The following MBNL3 variants were observed in gnomAD, a reference collection of about 807,000 sequenced individuals.
MBNL3 encodes muscleblind like splicing regulator 3.
Under a neutral mutation model 24.5 loss-of-function variants are expected in MBNL3, and 6 were observed. The observed-to-expected ratio is 0.25, with a 90% CI of 0.13 to 0.48. MBNL3 has a LOEUF of 0.48. Among genes scored for constraint, MBNL3 ranks in the 20% least tolerant of loss-of-function variants. The pLI is 0.99. For synonymous variants in MBNL3, 100 were observed against 101.7 expected, an observed-to-expected ratio of 0.98 and a Z score of 0.10; for missense variants, 230 against 293.5, an observed-to-expected ratio of 0.78 and a Z score of 1.58.
intron 1 of MBNL3, among the ~76,000 whole-genome samples, chrX:132,459,260 G>A (rs1946518356): frequency 9.1e-6 from 1 of 109,672 alleles, no homozygotes; most frequent in African/African-American, 3.3e-5. Flanking sequence ...TTCCAAATAT[G>A]TATTAAGTAT....
intron 1 of MBNL3, among the ~76,000 whole-genome samples, chrX:132,448,585 T>C (rs1945869092): frequency 1.8e-5 from 2 of 111,449 alleles, no homozygotes; most frequent in Non-Finnish European, 3.8e-5. Flanking sequence ...CTTTTCAAAA[T>C]CCAGCTCCTA....
chrX:132,390,787 A>G, intron 5 of MBNL3, 60 bp downstream of exon 5: 1 of 961,685 alleles, frequency 1.0e-6, no homozygotes, highest in Middle Eastern at 2.8e-4. Context: ...TATTAGACAA[A>G]TTGAGGAATA....
chrX:132,443,549 C>T (rs1945500724), intron 1 of MBNL3, among the ~76,000 whole-genome samples: 1 of 111,897 alleles, frequency 8.9e-6, no homozygotes, highest in South Asian at 3.7e-4. Context: ...GTTCTAGTTA[C>T]TGAACAAGAC....
chrX:132,471,713 A>T (rs1323162520), intron 1 of MBNL3, among the ~76,000 whole-genome samples: 5 of 112,563 alleles, frequency 4.4e-5, no homozygotes, highest in African/African-American at 1.6e-4. Context: ...ATAAATAAAA[A>T]TACAATGTAA....
chrX:132,413,623 A>G, intron 2 of MBNL3: 1 of 1,067,893 alleles, frequency 9.4e-7, no homozygotes, highest in South Asian at 3.0e-5. Context: ...TGACTGTTGG[A>G]GACAGCAATT....
At chrX:132,447,980 A>G (rs1165265129) in intron 1 of MBNL3, among the ~76,000 whole-genome samples, 2 of 112,194 alleles carry the variant, frequency 1.8e-5, no homozygotes, top group Non-Finnish European at 3.8e-5. Context: ...AATTTTATCA[A>G]AGGCCTTTTC....
At chrX:132,465,343 AAACTT>A in intron 1 of MBNL3, among the ~76,000 whole-genome samples, 1 of 112,016 alleles carries the variant, frequency 8.9e-6, no homozygotes, top group Non-Finnish European at 1.9e-5. Flanking sequence ...GTACAAAGCT[AAACTT>A]AACTTTAAAA....
intron 2 of MBNL3, among the ~76,000 whole-genome samples, chrX:132,408,557 G>T (rs1169717105): frequency 9.0e-6 from 1 of 111,645 alleles, no homozygotes; most frequent in African/African-American, 3.3e-5. Context: ...AATGTAATCA[G>T]AGAGAGAAGA....
chrX:132,430,422 T>C (rs1944642036), intron 2 of MBNL3: 1 of 111,574 alleles, frequency 9.0e-6, no homozygotes, highest in African/African-American at 3.3e-5. Context: ...CTAATGTTCT[T>C]CTGTTCTAGG....
chrX:132,405,239 G>C (rs945138343), intron 3 of MBNL3, among the ~76,000 whole-genome samples: 2 of 111,876 alleles, frequency 1.8e-5, no homozygotes, highest in African/African-American at 6.5e-5. Context: ...TTAAGGGAAA[G>C]CCACTATCAA....
chrX:132,452,749 G>A (rs781734372), intron 1 of MBNL3, among the ~76,000 whole-genome samples: 2 of 112,637 alleles, frequency 1.8e-5, no homozygotes, highest in East Asian at 2.8e-4. Flanking sequence ...TCTGTATCAC[G>A]TGCTTCTTGG....
chrX:132,478,770 G>A (rs1279389021), intron 1 of MBNL3, among the ~76,000 whole-genome samples: 1 of 112,074 alleles, frequency 8.9e-6, no homozygotes, highest in Non-Finnish European at 1.9e-5. Flanking sequence ...CCTACCACTT[G>A]AAAATTACAA....
intron 7 of MBNL3, among the ~76,000 whole-genome samples, chrX:132,382,783 T>C (rs1038149913): frequency 8.9e-6 from 1 of 112,092 alleles, no homozygotes; most frequent in Non-Finnish European, 1.9e-5. Flanking sequence ...CAGTTATATG[T>C]ATACTTACCT....
chrX:132,453,599 C>T (rs1440385082), intron 1 of MBNL3, among the ~76,000 whole-genome samples: 1 of 111,890 alleles, frequency 8.9e-6, no homozygotes, highest in Non-Finnish European at 1.9e-5. Context: ...AAATACTTTT[C>T]AATCTTTATC....
rs1945307506 is a variant in MBNL3, at chrX:132,439,738, T to C, written c.-127A>G. On this transcript the variant is annotated 5_prime_UTR_variant, in exon 2 of 9. Transcript: ENST00000370853. ...CAGGTTGCTTTGGTGAAATGTCTAT[T>C]TGTTAACACTTAGGTTTTCATTAAA... 1.0e-6 allele frequency: 1 copy of C among 973,625 alleles called. No homozygotes were observed. Among genetic ancestry groups the C allele is most frequent in the African/African-American group, 2.0e-5 (1 of 49,999 alleles). 80.2% of individuals were successfully genotyped at this position (973,625 alleles called of 1,213,427 possible). A position where few individuals can be genotyped will look rare whatever the true frequency, so the allele number is the denominator to read the frequency against.
chrX:132,386,351 G>A (rs1167086913), intron 6 of MBNL3, among the ~76,000 whole-genome samples: 4 of 111,835 alleles, frequency 3.6e-5, no homozygotes, highest in Non-Finnish European at 3.8e-5. Context: ...GTCTGTGACA[G>A]TGATACCTAA....
intron 2 of MBNL3, among the ~76,000 whole-genome samples, chrX:132,435,837 G>A (rs1307741991): frequency 9.0e-6 from 1 of 111,073 alleles, no homozygotes; most frequent in African/African-American, 3.3e-5. Context: ...GTGGTAAGAG[G>A]GGTGGACAGT....
chrX:132,473,766 C>T lies in MBNL3; in HGVS notation c.-704+15085G>A, dbSNP rs191071078. 8.5e-3 allele frequency among the ~76,000 whole-genome samples: 951 copies of T among 111,543 alleles called. 7 individuals are homozygous for T. Among genetic ancestry groups the T allele is most frequent in the African/African-American group, 0.029 (906 of 30,753 alleles). On this transcript the variant is annotated intron_variant, in intron 1 of 8. Transcript: ENST00000370853. Reference sequence around the variant, plus strand: ...TTCCACCTAGTATATCTTTTTTATCCTAGACCATGTGGCAAAATAAACACA... The same window carrying T: ...TTCCACCTAGTATATCTTTTTTATCTTAGACCATGTGGCAAAATAAACACA...
At chrX:132,425,760 T>C (rs1944253868) in intron 2 of MBNL3, among the ~76,000 whole-genome samples, 1 of 111,525 alleles carries the variant, frequency 9.0e-6, no homozygotes, top group East Asian at 2.8e-4. Flanking sequence ...TGCTAGACCA[T>C]TACTACATAA....
Sources: allele counts gnomAD v4.1 joint callset (sites outside exome capture counted in the v4.1 genomes callset), GRCh38; gene constraint gnomAD v4.1.1; transcripts MANE v1.5; gene names NCBI Gene and HGNC (gene_info 2026-07-23, HGNC 2026-07-21).